The following MEAK7 variants were observed in gnomAD, a reference collection of about 807,000 sequenced individuals.
The protein encoded by MEAK7 is MTOR associated protein MEAK7.
A neutral mutation model predicts 40.5 loss-of-function variants in MEAK7; 68 were observed. The observed-to-expected ratio is 1.68, with a 90% CI of 1.38 to 2.06. The LOEUF is 2.06. MEAK7 is among the 30% of genes most tolerant of loss of function. The probability of loss-of-function intolerance (pLI) is 0.00; values close to 1 mark genes in which losing one functional copy is unlikely to be tolerated. For missense variants in MEAK7, 918 were observed against 580.5 expected (o/e 1.58, Z -5.98); for synonymous variants, 338 against 231.9 (o/e 1.46, Z -4.16).
intron 4 of MEAK7, among the ~76,000 whole-genome samples, chr16:84,488,911 CAGAA>C (rs1351430850): frequency 6.6e-6 from 1 of 151,886 alleles, no homozygotes; most frequent in Non-Finnish European, 1.5e-5. Context: ...TTAAAGCAAA[CAGAA>C]GGAAGAAAAT....
At chr16:84,480,058 C>T (rs754046056) in intron 7 of MEAK7, 32 bp from the exon 8 acceptor site, 2 of 1,517,954 alleles carry the variant, frequency 1.3e-6, no homozygotes, top group Non-Finnish European at 1.8e-6. Context: ...GGGTGTGTTC[C>T]ATGATGGCCC....
rs117328570 is a variant in MEAK7, at chr16:84,483,172, C to A, written c.959-462G>T. On this transcript the variant is annotated intron_variant, in intron 5 of 7. Coordinates refer to ENST00000343629, the MANE Select transcript of MEAK7 (RefSeq NM_020947.4). ...AACGTACCATGCAGAGAGAGAAAAC[C>A]TGCAGCTGCAGAGCTGTCCCCAGGG... 4.0e-3 allele frequency among the ~76,000 whole-genome samples: 615 copies of A among 152,348 alleles called. 3 individuals are homozygous for A. The highest frequency in any genetic ancestry group is 7.4e-3 in the Non-Finnish European group (502 of 68,036).
At chr16:84,483,522 TTCA>T (rs1192317345) in intron 5 of MEAK7, among the ~76,000 whole-genome samples, 4 of 152,182 alleles carry the variant, frequency 2.6e-5, no homozygotes, top group African/African-American at 9.7e-5. Context: ...GGTTGGGCTA[TTCA>T]TCAGGTGGGA....
At chr16:84,487,843 AG>A (rs1436129373) in intron 4 of MEAK7, 1 of 152,214 alleles carries the variant, frequency 6.6e-6, no homozygotes, top group Non-Finnish European at 1.5e-5. Context: ...CAGTTTCCTC[AG>A]GTATAAAATG....
intron 5 of MEAK7, among the ~76,000 whole-genome samples, chr16:84,484,302 C>T (rs1310686556): frequency 1.3e-5 from 2 of 152,200 alleles, no homozygotes; most frequent in Admixed American, 6.5e-5. Context: ...ACGAGGACTC[C>T]TTATCTCATT....
Position 84,486,753 on chromosome 16 carries a change from A to T in MEAK7, c.836T>A (p.Phe279Tyr). ...AGTGATGTGGCCACAGAGCTGGGAGAAGCTGTGTCCATGGAGCTCAGACGA... is the reference window on the plus strand; with the variant it reads ...AGTGATGTGGCCACAGAGCTGGGAGTAGCTGTGTCCATGGAGCTCAGACGA... Reference protein sequence around the residue: ...LFSSELHGHSFSQLCGHITHR... With the variant: ...LFSSELHGHSYSQLCGHITHR... The change falls in exon 5 of 8, where the codon TTC (phenylalanine) becomes TAC (tyrosine). Residue 279 changes from phenylalanine (F) to tyrosine (Y), a missense_variant. Phe to Tyr is a conservative substitution (Grantham distance 22). Coordinates refer to ENST00000343629, the MANE Select transcript of MEAK7 (RefSeq NM_020947.4). The T allele has an allele frequency of 1.9e-6, 3 of 1,613,860 alleles. No individual in the cohort carries two copies. The highest frequency in any genetic ancestry group is 2.5e-6 in the Non-Finnish European group (3 of 1,179,780).
chr16:84,501,594 G>A (rs1484604633), intron 1 of MEAK7, among the ~76,000 whole-genome samples: 2 of 152,190 alleles, frequency 1.3e-5, no homozygotes, highest in African/African-American at 2.4e-5. Flanking sequence ...GCAGGCCCAG[G>A]AGATGACAGG....
intron 2 of MEAK7, chr16:84,497,580 G>A: frequency 1.5e-6 from 2 of 1,305,088 alleles, no homozygotes; most frequent in Non-Finnish European, 2.0e-6. Flanking sequence ...CTCCTCTGAT[G>A]TTCATCTCAA....
chr16:84,497,465 C>T (rs58765533), intron 2 of MEAK7: 63,210 of 1,289,498 alleles, frequency 0.049, 2,925 homozygotes, highest in East Asian at 0.3. Context: ...GTTCCTGGAC[C>T]GACGAGTCCA....
intron 1 of MEAK7, chr16:84,500,071 G>C (rs1169612728): frequency 6.6e-6 from 1 of 152,168 alleles, no homozygotes; most frequent in Non-Finnish European, 1.5e-5. Context: ...ATGATGTGTG[G>C]CCTTTTGTGA....
intron 4 of MEAK7, 143 bp from the exon 5 acceptor site, chr16:84,487,202 T>C (rs1913166369): frequency 1.4e-6 from 1 of 714,810 alleles, no homozygotes; most frequent in Non-Finnish European, 2.2e-6. Context: ...AATTGAGAGG[T>C]GCCGTCAGTG....
At chr16:84,485,862 A>C (rs1019525289) in intron 5 of MEAK7, 1 of 152,082 alleles carries the variant, frequency 6.6e-6, no homozygotes, top group Non-Finnish European at 1.5e-5. Flanking sequence ...GTGTACTTTC[A>C]GTAGAGACGT....
At chr16:84,484,060 G>A (rs528146267) in intron 5 of MEAK7, among the ~76,000 whole-genome samples, 3 of 152,140 alleles carry the variant, frequency 2.0e-5, no homozygotes, top group Non-Finnish European at 2.9e-5. Context: ...CGCTCTCCCC[G>A]ACTGGACTTC....
chr16:84,491,191 C>A (rs144649597), intron 3 of MEAK7, among the ~76,000 whole-genome samples: 7,566 of 151,698 alleles, frequency 0.05, 538 homozygotes, highest in East Asian at 0.33. Flanking sequence ...TGTAATCCCT[C>A]CACTTTGGGA....
chr16:84,497,918 G>A lies in MEAK7; in HGVS notation c.153+16C>T, dbSNP rs376303800. 56 of 1,613,974 alleles carry A rather than the reference G, an allele frequency of 3.5e-5. No homozygotes were observed. The highest frequency in any genetic ancestry group is 2.7e-4 in the East Asian group (12 of 44,898). On this transcript the variant is annotated intron_variant, in intron 2 of 7. Transcript: ENST00000343629. ...CTGCTCCCAACTAAACATGAACCAC[G>A]GGTTGTTACTCTTGCCTGTAGTGCC...
chr16:84,482,551 A>T (rs772134592), intron 6 of MEAK7, 41 bp downstream of exon 6: 2 of 1,613,436 alleles, frequency 1.2e-6, no homozygotes, highest in South Asian at 2.2e-5. Flanking sequence ...TTGCTGGGGG[A>T]CATCACCAAG....
At position 84,476,897 on chromosome 16, in the gene MEAK7, A is replaced by G. The variant is rs1481007649; in HGVS notation, c.*3016T>C. The stretch of plus-strand genomic sequence containing the variant: ...TATCTTTTTTTTCTAAACCAGGTAC[A>G]CAATTTTTTTTAAACATAGGGTCTT... On this transcript the variant is annotated 3_prime_UTR_variant, in exon 8 of 8. Transcript: ENST00000343629. 1 of 152,124 alleles carries G rather than the reference A, an allele frequency of 6.6e-6. No homozygotes were observed. Among genetic ancestry groups the G allele is most frequent in the African/African-American group, 2.4e-5 (1 of 41,428 alleles). The allele number at this position is 152,124 out of a possible 1,614,324, so 9.4% of individuals were successfully genotyped here.
chr16:84,480,776 C>T, intron 6 of MEAK7, 68 bp from the exon 7 acceptor site: 1 of 1,494,834 alleles, frequency 6.7e-7, no homozygotes, highest in Non-Finnish European at 8.9e-7. Context: ...TCAAATACCA[C>T]AAGCCAGCCT....
intron 1 of MEAK7, among the ~76,000 whole-genome samples, chr16:84,500,488 G>C (rs1392140015): frequency 6.6e-6 from 1 of 152,164 alleles, no homozygotes; most frequent in African/African-American, 2.4e-5. Flanking sequence ...TCTTCGCAGC[G>C]GATGGGCCTT....
Sources: allele counts gnomAD v4.1 joint callset (sites outside exome capture counted in the v4.1 genomes callset), GRCh38; gene constraint gnomAD v4.1.1; transcripts MANE v1.5; gene names NCBI Gene and HGNC (gene_info 2026-07-23, HGNC 2026-07-21).